The following RANBP17 variants were observed in gnomAD, a reference collection of about 807,000 sequenced individuals.
RANBP17 encodes the protein RAN binding protein 17, also known as ran-binding protein 17.
In RANBP17, 158 loss-of-function variants were observed where a neutral mutation model predicts 141.2. The ratio of observed to expected loss-of-function variants is 1.12; its 90% confidence interval spans 0.98 to 1.28. The LOEUF (loss-of-function observed/expected upper bound fraction) is 1.28, where lower values mean the gene tolerates loss of function less well. Among genes scored for constraint, RANBP17 ranks in the 50% most tolerant of loss-of-function variants. RANBP17 has a pLI of 0.00. For missense variants in RANBP17, 1,438 were observed against 1,290.7 expected, an observed-to-expected ratio of 1.11 and a Z score of -1.75; for synonymous variants, 430 against 450.0, an observed-to-expected ratio of 0.96 and a Z score of 0.56.
intron 5 of RANBP17, chr5:170,904,060 GT>G (rs1209118800): frequency 6.5e-6 from 3 of 458,728 alleles, no homozygotes; most frequent in African/African-American, 6.1e-5. Context: ...CCTAAACATA[GT>G]CTTTACCTCA....
intron 14 of RANBP17, among the ~76,000 whole-genome samples, chr5:171,107,865 G>C (rs1162305491): frequency 6.6e-6 from 1 of 152,202 alleles, no homozygotes; most frequent in Non-Finnish European, 1.5e-5. Flanking sequence ...TTGCTGCATT[G>C]ATGTTGGAGG....
intron 14 of RANBP17, among the ~76,000 whole-genome samples, chr5:171,145,256 C>T (rs1757959805): frequency 6.6e-6 from 1 of 152,044 alleles, no homozygotes; most frequent in Admixed American, 6.6e-5. Flanking sequence ...TCTTTGGGGG[C>T]CATTTTTCTT....
At chr5:171,167,464 A>G (rs1017909583) in intron 14 of RANBP17, among the ~76,000 whole-genome samples, 1 of 152,164 alleles carries the variant, frequency 6.6e-6, no homozygotes, top group Admixed American at 6.6e-5. Flanking sequence ...TAAATACAAT[A>G]AGAAGAAAAT....
rs376342999 is a variant in RANBP17, at chr5:170,894,486, T to TATA, written c.424-1564_424-1563insATA. Reference sequence around the variant, plus strand: ...CCATAGAATAGTTAGTACGTGTTTTTTATATATATATATATATATATGGCT... The same window carrying TATA: ...CCATAGAATAGTTAGTACGTGTTTTTATATATATATATATATATATATATGGCT... On this transcript the variant is annotated intron_variant, in intron 4 of 27. Transcript: ENST00000523189. Among the ~76,000 whole-genome samples, 191 of 133,304 alleles carry TATA rather than the reference T, an allele frequency of 1.4e-3. 11 individuals are homozygous for TATA. The highest frequency in any genetic ancestry group is 8.0e-3 in the Middle Eastern group (2 of 250). The allele number at this position is 133,304 out of a possible 152,430, so 87.5% of individuals were successfully genotyped here. A position where few individuals can be genotyped will look rare whatever the true frequency, so the allele number is the denominator to read the frequency against.
intron 7 of RANBP17, among the ~76,000 whole-genome samples, chr5:170,912,009 C>T (rs1771569288): frequency 6.6e-6 from 1 of 151,908 alleles, no homozygotes; most frequent in African/African-American, 2.4e-5. Flanking sequence ...ACCTGTGCTA[C>T]TTCTTTACTT....
chr5:171,166,698 A>G (rs1759720992), intron 14 of RANBP17, among the ~76,000 whole-genome samples: 1 of 152,232 alleles, frequency 6.6e-6, no homozygotes, highest in Non-Finnish European at 1.5e-5. Flanking sequence ...TTTAAAAGGG[A>G]TAATTAAATT....
intron 14 of RANBP17, among the ~76,000 whole-genome samples, chr5:171,043,600 A>G (rs767988046): frequency 7.2e-5 from 11 of 152,348 alleles, no homozygotes; most frequent in Middle Eastern, 3.4e-3. Context: ...TTTATTGCAT[A>G]TAAAAGTTAT....
At position 171,171,295 on chromosome 5, in the gene RANBP17, T is replaced by G. The variant is rs1760083225; in HGVS notation, c.1865+9T>G. 4.1e-6 allele frequency: 6 copies of G among 1,470,970 alleles called. No individual in the cohort carries two copies. The highest frequency in any genetic ancestry group is 5.7e-6 in the Non-Finnish European group (6 of 1,057,520). 91.1% of individuals were successfully genotyped at this position (1,470,970 alleles called of 1,614,324 possible). On this transcript the variant is annotated intron_variant, in intron 16 of 27. Transcript: ENST00000523189. Reference sequence around the variant, plus strand: ...AATGACCTTTCTGTTGGATATCCTTTTCACTGTATATCTGACATTATGTGT... The same window carrying G: ...AATGACCTTTCTGTTGGATATCCTTGTCACTGTATATCTGACATTATGTGT...
At chr5:171,283,847 C>T (rs887973122) in intron 25 of RANBP17, among the ~76,000 whole-genome samples, 2 of 152,094 alleles carry the variant, frequency 1.3e-5, no homozygotes, top group African/African-American at 2.4e-5. Flanking sequence ...GCTCTTTCTC[C>T]GCATCTCTGT....
At chr5:171,088,118 A>G (rs1193400914) in intron 14 of RANBP17, among the ~76,000 whole-genome samples, 1 of 151,344 alleles carries the variant, frequency 6.6e-6, no homozygotes, top group Admixed American at 6.6e-5. Flanking sequence ...GTTCCTTTCC[A>G]TGTTTAGTGC....
chr5:171,077,711 T>TA (rs1417010029), intron 14 of RANBP17, among the ~76,000 whole-genome samples: 3 of 152,224 alleles, frequency 2.0e-5, no homozygotes, highest in Non-Finnish European at 4.4e-5. Context: ...ATTACTTTTT[T>TA]AAAAAACATG....
chr5:170,982,356 C>T (rs543200700), intron 14 of RANBP17, among the ~76,000 whole-genome samples: 2 of 152,146 alleles, frequency 1.3e-5, no homozygotes, highest in Non-Finnish European at 2.9e-5. Context: ...TCTGATAATA[C>T]AATTGACAAT....
At chr5:170,862,930 G>A (rs1321643904) in intron 1 of RANBP17, among the ~76,000 whole-genome samples, 2 of 152,212 alleles carry the variant, frequency 1.3e-5, no homozygotes, top group Non-Finnish European at 2.9e-5. Context: ...AGAAAAGGGG[G>A]TAGCCAGCCA....
At chr5:170,935,367 T>G (rs1375647554) in intron 12 of RANBP17, among the ~76,000 whole-genome samples, 1 of 152,238 alleles carries the variant, frequency 6.6e-6, no homozygotes, top group Non-Finnish European at 1.5e-5. Context: ...GCTGCGTTCC[T>G]TTGGAGGAGA....
chr5:170,897,832 C>T (rs1770269879), intron 5 of RANBP17, among the ~76,000 whole-genome samples: 1 of 152,080 alleles, frequency 6.6e-6, no homozygotes, highest in Admixed American at 6.5e-5. Flanking sequence ...GGGTTGGTTC[C>T]AAATCTTTGC....
At chr5:170,924,176 T>C (rs1291262255) in intron 11 of RANBP17, among the ~76,000 whole-genome samples, 181 bp from the exon 12 acceptor site, 1 of 152,102 alleles carries the variant, frequency 6.6e-6, no homozygotes. Context: ...TTTTGTATTT[T>C]TAGAGTCAGG....
intron 24 of RANBP17, among the ~76,000 whole-genome samples, chr5:171,247,518 G>C (rs1030146825): frequency 1.3e-5 from 2 of 152,176 alleles, no homozygotes; most frequent in Admixed American, 1.3e-4. Flanking sequence ...CAGAAAAGTT[G>C]AATCAGTGAT....
chr5:171,119,662 TCTC>T (rs775831515), intron 14 of RANBP17, among the ~76,000 whole-genome samples: 5 of 152,118 alleles, frequency 3.3e-5, no homozygotes, highest in Non-Finnish European at 7.4e-5. Context: ...TGAGGTATGT[TCTC>T]CTTGGTAAGG....
intron 25 of RANBP17, among the ~76,000 whole-genome samples, chr5:171,279,878 C>T (rs1014238075): frequency 9.9e-5 from 15 of 152,160 alleles, no homozygotes; most frequent in Admixed American, 5.9e-4. Context: ...ATCACTAGAT[C>T]TCACACAGTT....
Sources: allele counts gnomAD v4.1 joint callset (sites outside exome capture counted in the v4.1 genomes callset), GRCh38; gene constraint gnomAD v4.1.1; transcripts MANE v1.5; gene names NCBI Gene and HGNC (gene_info 2026-07-23, HGNC 2026-07-21).